PCMT1: variants seen among roughly 807,000 people sequenced by gnomAD.
PCMT1 encodes protein-L-isoaspartate (D-aspartate) O-methyltransferase.
A neutral mutation model predicts 29.2 loss-of-function variants in PCMT1; 9 were observed. The observed-to-expected ratio is 0.31, with a 90% CI of 0.19 to 0.54. The LOEUF (loss-of-function observed/expected upper bound fraction) is 0.54. PCMT1 is among the 20% of genes least tolerant of loss of function. PCMT1 has a pLI of 0.95. For synonymous variants in PCMT1, 98 were observed against 97.5 expected, an observed-to-expected ratio of 1.00 and a Z score of -0.03; for missense variants, 184 against 282.2, an observed-to-expected ratio of 0.65 and a Z score of 2.49.
intron 6 of PCMT1, chr6:149,797,724 A>G (rs1788672385): frequency 6.6e-6 from 1 of 152,166 alleles, no homozygotes; most frequent in Non-Finnish European, 1.5e-5. Context: ...TGAAGGTGAC[A>G]CTGTTTCTTC....
rs1786863992 is a variant in PCMT1, at chr6:149,762,854, ATCTATGATATATATATC to A, written c.56-8306_56-8290del. ...TATGATATATATATCTATGATATAT[ATCTATGATATATATATC>A]TATGATATATATGTTATATATATCT... is the stretch of plus-strand genomic sequence containing the variant. On this transcript the variant is annotated intron_variant, in intron 1 of 7. Transcript: ENST00000464889. Among the ~76,000 whole-genome samples the A allele has an allele frequency of 3.7e-5, 2 of 54,712 alleles. 1 individual carries two copies. The highest frequency in any genetic ancestry group is 1.2e-3 in the South Asian group (2 of 1,728). 35.9% of individuals were successfully genotyped at this position (54,712 alleles called of 152,430 possible).
intron 1 of PCMT1, among the ~76,000 whole-genome samples, chr6:149,759,370 A>G (rs1451323280): frequency 6.6e-6 from 1 of 152,236 alleles, no homozygotes; most frequent in Non-Finnish European, 1.5e-5. Flanking sequence ...GATGGTTAAC[A>G]GCTATCCAAG....
chr6:149,793,902 T>C (rs1046656351), intron 5 of PCMT1, among the ~76,000 whole-genome samples: 2 of 152,242 alleles, frequency 1.3e-5, no homozygotes, highest in African/African-American at 2.4e-5. Context: ...TTTTTTGTAA[T>C]GTGTCTGACC....
chr6:149,763,489 G>A (rs1029009108), intron 1 of PCMT1, among the ~76,000 whole-genome samples: 1 of 151,814 alleles, frequency 6.6e-6, no homozygotes, highest in African/African-American at 2.4e-5. Flanking sequence ...GAGACATGAT[G>A]GGTTCAGCTT....
chr6:149,776,373 T>C (rs1173630625), intron 3 of PCMT1, among the ~76,000 whole-genome samples: 1 of 134,910 alleles, frequency 7.4e-6, no homozygotes, highest in Admixed American at 7.7e-5. Context: ...TTACTCAGCC[T>C]TCCTCGTAGC....
At chr6:149,772,015 A>C in intron 2 of PCMT1, 1 of 456,652 alleles carries the variant, frequency 2.2e-6, no homozygotes, top group Non-Finnish European at 4.4e-6. Context: ...TGTTTTTAGA[A>C]AGTCCTGTAT....
chr6:149,773,283 G>A (rs1412755553), intron 3 of PCMT1, 114 bp downstream of exon 3: 2 of 798,336 alleles, frequency 2.5e-6, no homozygotes, highest in East Asian at 2.6e-5. Context: ...TATGAGTTAT[G>A]TGAATTGGTA....
chr6:149,786,702 C>G (rs2115299881), intron 3 of PCMT1, among the ~76,000 whole-genome samples: 1 of 150,300 alleles, frequency 6.7e-6, no homozygotes, highest in East Asian at 2.0e-4. Flanking sequence ...AGAGGCGCTC[C>G]TCACATCCCA....
At position 149,774,982 on chromosome 6, in the gene PCMT1, C is replaced by T. The variant is rs567274422; in HGVS notation, c.192+1813C>T. Among the ~76,000 whole-genome samples the T allele has an allele frequency of 3.9e-5, 6 of 152,118 alleles. No homozygotes were observed. The East Asian group carries it at 7.7e-4, about 20-fold the overall frequency. On this transcript the variant is annotated intron_variant, in intron 3 of 7. Transcript: ENST00000464889. ...TCGGCCTCCCAAAGTGCTGGGATTA[C>T]AGGCGTGAGCCACCCCACCCAGCCT...
intron 1 of PCMT1, among the ~76,000 whole-genome samples, chr6:149,762,339 C>T (rs968370151): frequency 4.0e-5 from 6 of 151,362 alleles, no homozygotes; most frequent in East Asian, 1.9e-4. Context: ...GACCCTAGGG[C>T]GGCAAGCAGA....
intron 3 of PCMT1, among the ~76,000 whole-genome samples, chr6:149,786,872 G>T (rs1425843190): frequency 2.0e-5 from 3 of 148,050 alleles, no homozygotes; most frequent in South Asian, 2.2e-4. Flanking sequence ...TATCCCAGAC[G>T]GGGTGGCGGC....
intron 1 of PCMT1, among the ~76,000 whole-genome samples, chr6:149,770,044 G>A (rs1156393337): frequency 6.6e-6 from 1 of 152,008 alleles, no homozygotes; most frequent in East Asian, 1.9e-4. Flanking sequence ...ATCTTTCATG[G>A]CTCTGTTTTC....
intron 3 of PCMT1, among the ~76,000 whole-genome samples, chr6:149,779,160 C>A (rs144463248): frequency 6.6e-6 from 1 of 152,120 alleles, no homozygotes; most frequent in Non-Finnish European, 1.5e-5. Context: ...TGAGGCACAG[C>A]GAGTTCTTGC....
At chr6:149,766,421 A>G (rs1182794843) in intron 1 of PCMT1, among the ~76,000 whole-genome samples, 1 of 152,254 alleles carries the variant, frequency 6.6e-6, no homozygotes, top group Non-Finnish European at 1.5e-5. Flanking sequence ...TTATTGAGGT[A>G]TAAGTTATAT....
At position 149,810,689 on chromosome 6, in the gene PCMT1, C is replaced by T; in HGVS notation, c.*111C>T. ...GGATTGCTCATCTCAGTCCTCAAAG[C>T]TTTTTGAAAACCAACACCATCACAG... On this transcript the variant is annotated 3_prime_UTR_variant, in exon 8 of 8. Transcript: ENST00000464889. 7.3e-7 allele frequency: 1 copy of T among 1,364,156 alleles called. No homozygotes were observed. Among genetic ancestry groups the T allele is most frequent in the East Asian group, 2.5e-5 (1 of 39,876 alleles). The allele number at this position is 1,364,156 out of a possible 1,614,324, so 84.5% of individuals were successfully genotyped here.
At chr6:149,807,835 C>CA (rs1776056661) in intron 7 of PCMT1, among the ~76,000 whole-genome samples, 1 of 152,110 alleles carries the variant, frequency 6.6e-6, no homozygotes, top group African/African-American at 2.4e-5. Context: ...ACTGCATTTC[C>CA]AAGACTGACA....
At chr6:149,794,819 A>G in intron 5 of PCMT1, 2 of 487,646 alleles carry the variant, frequency 4.1e-6, no homozygotes, top group Non-Finnish European at 8.3e-6. Flanking sequence ...TGAGAGATCA[A>G]GAGATAGACG....
intron 7 of PCMT1, among the ~76,000 whole-genome samples, chr6:149,805,355 A>G (rs1188267088): frequency 2.0e-5 from 3 of 152,124 alleles, no homozygotes; most frequent in Admixed American, 6.5e-5. Context: ...GCACTTTGGG[A>G]GGCCAAGGCG....
intron 3 of PCMT1, among the ~76,000 whole-genome samples, chr6:149,785,350 GTTTTCT>G (rs1231524056): frequency 1.5e-4 from 8 of 52,934 alleles, no homozygotes; most frequent in African/African-American, 9.2e-4. Context: ...GGCATTGGCT[GTTTTCT>G]TTTTTTTTTT....
Sources: allele counts gnomAD v4.1 joint callset (sites outside exome capture counted in the v4.1 genomes callset), GRCh38; gene constraint gnomAD v4.1.1; transcripts MANE v1.5; gene names NCBI Gene and HGNC (gene_info 2026-07-23, HGNC 2026-07-21).